CCDC126: variants seen among roughly 807,000 people sequenced by gnomAD.
CCDC126 encodes coiled-coil domain-containing protein 126.
CCDC126 carries 5 observed loss-of-function variants against 11.7 expected under a neutral mutation model. That is an observed-to-expected ratio of 0.43 (90% CI 0.22 to 0.90). The LOEUF is 0.90. Among genes scored for constraint, CCDC126 ranks in the 40% least tolerant of loss-of-function variants. CCDC126 has a pLI of 0.27. For synonymous variants in CCDC126, 60 were observed against 61.9 expected, an observed-to-expected ratio of 0.97 and a Z score of 0.14; for missense variants, 150 against 163.1, an observed-to-expected ratio of 0.92 and a Z score of 0.44.
chr7:23,604,929 T>C (rs1476757191), intron 2 of CCDC126, among the ~76,000 whole-genome samples: 1 of 143,708 alleles, frequency 7.0e-6, no homozygotes, highest in Middle Eastern at 3.4e-3. Flanking sequence ...ACCCAGGAGG[T>C]GGAGCTTGCA....
intron 3 of CCDC126, among the ~76,000 whole-genome samples, chr7:23,619,950 A>C (rs1035409371): frequency 2.8e-4 from 43 of 151,880 alleles, no homozygotes; most frequent in Admixed American, 2.5e-3. Context: ...CATGGTGTCT[A>C]TGTGCCACAT....
chr7:23,635,888 T>C (rs1012439224), intron 3 of CCDC126, among the ~76,000 whole-genome samples: 4 of 151,280 alleles, frequency 2.6e-5, no homozygotes, highest in Admixed American at 1.3e-4. Context: ...CCTCTCCCTC[T>C]CCCTCTCCCC....
intron 2 of CCDC126, among the ~76,000 whole-genome samples, chr7:23,605,993 T>G (rs563673558): frequency 6.6e-6 from 1 of 150,684 alleles, no homozygotes; most frequent in African/African-American, 2.5e-5. Context: ...TTTTTTTTTG[T>G]GTGTGTGTGT....
chr7:23,605,588 C>T (rs1334862163), intron 2 of CCDC126, among the ~76,000 whole-genome samples: 1 of 152,126 alleles, frequency 6.6e-6, no homozygotes, highest in East Asian at 1.9e-4. Context: ...AACTCTGTAC[C>T]CATTAAATCA....
chr7:23,642,406 G>C (rs1418816150), intron 3 of CCDC126, among the ~76,000 whole-genome samples: 1 of 152,114 alleles, frequency 6.6e-6, no homozygotes, highest in African/African-American at 2.4e-5. Context: ...AGAAAAGCGA[G>C]AGTTTCCCCC....
chr7:23,642,945 A>G lies in CCDC126; in HGVS notation c.253A>G (p.Thr85Ala). 1 of 1,613,976 alleles carries G rather than the reference A, an allele frequency of 6.2e-7. No homozygotes were observed. The highest frequency in any genetic ancestry group is 1.1e-5 in the South Asian group (1 of 91,078). ...SMAGYADLKR[T>A]IAVLLDDILQ... ...TATTCCCCTAGCGGATCTGAAAAGAACAATTGCTGTCCTTCTGGATGACAT... is the reference window on the plus strand; with the variant it reads ...TATTCCCCTAGCGGATCTGAAAAGAGCAATTGCTGTCCTTCTGGATGACAT... Residue 85 changes from threonine (T) to alanine (A), a missense_variant, in exon 4 of 4, where the codon ACA becomes GCA. By Grantham distance (58) the Thr-to-Ala change is moderately conservative (BLOSUM62 0). Transcript: ENST00000307471.
At chr7:23,606,511 G>A (rs1323792776) in intron 2 of CCDC126, among the ~76,000 whole-genome samples, 1 of 152,142 alleles carries the variant, frequency 6.6e-6, no homozygotes, top group Non-Finnish European at 1.5e-5. Flanking sequence ...GAGGAGTCTG[G>A]CAAACCACTT....
At chr7:23,607,670 A>C (rs1782643830) in intron 2 of CCDC126, among the ~76,000 whole-genome samples, 1 of 152,206 alleles carries the variant, frequency 6.6e-6, no homozygotes, top group Non-Finnish European at 1.5e-5. Flanking sequence ...GCCCCGGAGA[A>C]TAAAGTAATA....
rs186741379 is a variant in CCDC126, at chr7:23,639,383, C to T, written c.239-3548C>T. On this transcript the variant is annotated intron_variant, in intron 3 of 3. Transcript: ENST00000307471. ...AATTTTTTTGTATTTTTAGTGGAGACGGGGTTTCACCATGTTGGCCATGGT... is the reference window on the plus strand; with the variant it reads ...AATTTTTTTGTATTTTTAGTGGAGATGGGGTTTCACCATGTTGGCCATGGT... 3.3e-4 allele frequency among the ~76,000 whole-genome samples: 50 copies of T among 152,044 alleles called. No homozygotes were observed. The East Asian group carries it at 7.9e-3, about 24-fold the overall frequency.
At chr7:23,640,992 G>A (rs7777574) in intron 3 of CCDC126, among the ~76,000 whole-genome samples, 68,747 of 123,876 alleles carry the variant, frequency 0.55, 20,414 homozygotes, top group South Asian at 0.72. Flanking sequence ...AATCCTTTTG[G>A]TTTTTTTTTT....
At chr7:23,600,976 A>T (rs1179750676) in intron 2 of CCDC126, among the ~76,000 whole-genome samples, 3 of 150,456 alleles carry the variant, frequency 2.0e-5, no homozygotes, top group African/African-American at 7.3e-5. Context: ...GCTACTAGGG[A>T]GGTAGAGGTG....
intron 3 of CCDC126, among the ~76,000 whole-genome samples, chr7:23,639,942 G>A (rs917995000): frequency 1.3e-5 from 2 of 152,102 alleles, no homozygotes; most frequent in Admixed American, 1.3e-4. Flanking sequence ...TTGGGAGGCC[G>A]AGGTGGGTAG....
chr7:23,600,196 TA>T (rs1782512176), intron 2 of CCDC126, among the ~76,000 whole-genome samples: 1 of 152,254 alleles, frequency 6.6e-6, no homozygotes, highest in Non-Finnish European at 1.5e-5. Flanking sequence ...TCTGTTTTTG[TA>T]ATATTCAGTG....
At chr7:23,640,895 G>T (rs1456668864) in intron 3 of CCDC126, among the ~76,000 whole-genome samples, 1 of 151,310 alleles carries the variant, frequency 6.6e-6, no homozygotes, top group Non-Finnish European at 1.5e-5. Context: ...TTTATCTGTT[G>T]ATGGACACTT....
At chr7:23,631,753 C>G (rs2128020641) in intron 3 of CCDC126, among the ~76,000 whole-genome samples, 1 of 151,194 alleles carries the variant, frequency 6.6e-6, no homozygotes, top group Non-Finnish European at 1.5e-5. Context: ...AGAGGGAGAC[C>G]CTGTCTCAAA....
intron 3 of CCDC126, among the ~76,000 whole-genome samples, chr7:23,613,182 G>A (rs929760904): frequency 1.5e-4 from 23 of 152,018 alleles, no homozygotes; most frequent in East Asian, 3.9e-4. Context: ...GTGGTGGCGC[G>A]CACTTGTAGT....
At chr7:23,601,250 A>C (rs1448603527) in intron 2 of CCDC126, among the ~76,000 whole-genome samples, 1 of 152,016 alleles carries the variant, frequency 6.6e-6, no homozygotes, top group Non-Finnish European at 1.5e-5. Flanking sequence ...GTGTAGTGGC[A>C]CACACCTGTA....
intron 3 of CCDC126, among the ~76,000 whole-genome samples, chr7:23,625,016 G>A (rs973737294): frequency 6.6e-6 from 1 of 151,982 alleles, no homozygotes; most frequent in Admixed American, 6.6e-5. Context: ...CTAATTTTTT[G>A]TTGTTGTTGT....
intron 2 of CCDC126, chr7:23,602,117 CA>C (rs1283986627): frequency 1.3e-5 from 2 of 152,082 alleles, no homozygotes; most frequent in East Asian, 3.8e-4. Flanking sequence ...TGCTGTTTGT[CA>C]AGTAGCATAA....
Sources: gnomAD v4.1 joint callset for allele counts (sites outside exome capture counted in the v4.1 genomes callset) on GRCh38, gnomAD v4.1.1 for gene constraint, MANE v1.5 for transcripts, NCBI Gene and HGNC (gene_info 2026-07-23, HGNC 2026-07-21) for gene names.